The following LPP variants were observed in gnomAD, a reference collection of about 807,000 sequenced individuals.
LPP encodes the protein lipoma-preferred partner.
In LPP, 38 loss-of-function variants were observed where a neutral mutation model predicts 60.4. The ratio of observed to expected loss-of-function variants is 0.63; its 90% confidence interval spans 0.49 to 0.83. The LOEUF is 0.83. Ranked by LOEUF, LPP falls within the 40% of genes least tolerant of loss-of-function variation. The probability of loss-of-function intolerance (pLI) is 0.00; values close to 1 mark genes in which losing one functional copy is unlikely to be tolerated. For synonymous variants in LPP, 328 were observed against 290.8 expected (o/e 1.13, Z -1.30); for missense variants, 902 against 783.6 (o/e 1.15, Z -1.80).
chr3:188,498,950 T>A (rs191040878), intron 5 of LPP, among the ~76,000 whole-genome samples: 79 of 152,340 alleles, frequency 5.2e-4, no homozygotes, highest in Admixed American at 1.2e-3. Flanking sequence ...TATATATATA[T>A]CTTCTTTGGA....
chr3:188,666,605 T>C (rs548856319), intron 7 of LPP, among the ~76,000 whole-genome samples: 2 of 152,332 alleles, frequency 1.3e-5, no homozygotes, highest in East Asian at 1.9e-4. Context: ...TTTATAACAA[T>C]TATTTTTCAA....
chr3:188,357,084 C>A (rs1480969189), intron 3 of LPP, among the ~76,000 whole-genome samples: 4 of 152,122 alleles, frequency 2.6e-5, no homozygotes, highest in Non-Finnish European at 5.9e-5. Context: ...CTATGTATGT[C>A]CCCAGACATG....
chr3:188,770,892 C>T (rs1401857729), intron 9 of LPP, among the ~76,000 whole-genome samples: 1 of 152,134 alleles, frequency 6.6e-6, no homozygotes, highest in African/African-American at 2.4e-5. Context: ...ACAATAAGAG[C>T]AAACCAGTTT....
intron 9 of LPP, among the ~76,000 whole-genome samples, chr3:188,769,690 G>A (rs1735241598): frequency 6.6e-6 from 1 of 152,184 alleles, no homozygotes; most frequent in South Asian, 2.1e-4. Context: ...GGTGGGACTA[G>A]AAACCATGAG....
At chr3:188,242,350 G>T (rs1341790736) in intron 2 of LPP, among the ~76,000 whole-genome samples, 3 of 151,272 alleles carry the variant, frequency 2.0e-5, no homozygotes, top group Non-Finnish European at 4.4e-5. Context: ...TTGCATTCAG[G>T]TCTATATTGT....
At chr3:188,353,196 T>C (rs889833623) in intron 3 of LPP, among the ~76,000 whole-genome samples, 2 of 152,182 alleles carry the variant, frequency 1.3e-5, no homozygotes, top group Admixed American at 1.3e-4. Context: ...GGAGCAGAAA[T>C]TGTGACTTAA....
intron 2 of LPP, among the ~76,000 whole-genome samples, chr3:188,324,369 G>T (rs1056079564): frequency 6.6e-6 from 1 of 152,010 alleles, no homozygotes; most frequent in Non-Finnish European, 1.5e-5. Context: ...CTCCACTGTT[G>T]TTCCTGTCTC....
Position 188,609,867 on chromosome 3 carries a change from G to T in LPP, c.1113+23G>T. On this transcript the variant is annotated intron_variant, in intron 7 of 11. Coordinates refer to ENST00000617246, the MANE Select transcript of LPP (RefSeq NM_001375462.1). The surrounding 1 kb of genome is among the most constrained non-coding windows in gnomAD (Gnocchi z 6.9). ...AAGGTAAGAAACTCAGTAACATAAG[G>T]AGGAGAATACAGGGGTGCCTATCTT... 6.3e-7 allele frequency: 1 copy of T among 1,591,678 alleles called. No homozygotes were observed. Among genetic ancestry groups the T allele is most frequent in the Non-Finnish European group, 8.5e-7 (1 of 1,169,854 alleles).
intron 1 of LPP, among the ~76,000 whole-genome samples, chr3:188,211,463 A>C (rs375549452): frequency 6.6e-6 from 1 of 152,128 alleles, no homozygotes; most frequent in East Asian, 1.9e-4. Flanking sequence ...AAGATGTGGT[A>C]CTTGGATTCC....
chr3:188,731,526 G>GTT (rs1553817820), intron 8 of LPP, among the ~76,000 whole-genome samples: 1 of 151,278 alleles, frequency 6.6e-6, no homozygotes, highest in African/African-American at 2.4e-5. Context: ...TTTTTGTTTT[G>GTT]TTTTGTTTTG....
chr3:188,327,717 C>T (rs547381230), intron 2 of LPP, among the ~76,000 whole-genome samples: 14 of 152,114 alleles, frequency 9.2e-5, no homozygotes, highest in Middle Eastern at 3.4e-3. Context: ...CAGGTAGCAG[C>T]GTCTGAAAGT....
At chr3:188,216,497 C>T (rs1713682574) in intron 1 of LPP, among the ~76,000 whole-genome samples, 1 of 152,124 alleles carries the variant, frequency 6.6e-6, no homozygotes, top group African/African-American at 2.4e-5. Context: ...TTTTCAACTC[C>T]TGACCTCAGG....
chr3:188,168,349 A>T (rs1000677671), intron 1 of LPP, among the ~76,000 whole-genome samples: 1 of 152,236 alleles, frequency 6.6e-6, no homozygotes, highest in Admixed American at 6.5e-5. Context: ...TTTTGTGTCC[A>T]TAGCCTTTTA....
chr3:188,259,164 C>T (rs549788905), intron 2 of LPP, among the ~76,000 whole-genome samples: 2 of 152,272 alleles, frequency 1.3e-5, no homozygotes, highest in South Asian at 2.1e-4. Flanking sequence ...TTTGTAGTCT[C>T]TTTGATTTTT....
chr3:188,743,897 A>C (rs1211644975), intron 8 of LPP: 1 of 152,134 alleles, frequency 6.6e-6, no homozygotes, highest in African/African-American at 2.4e-5. Context: ...TCTGTTTGCC[A>C]TCTGGTCTGG....
At position 188,602,143 on chromosome 3, in the gene LPP, A is replaced by ATATATATATATAATATATATAT. The variant is rs1491436954; in HGVS notation, c.430-7008_430-7007insTAATATATATATTATATATATA. ...ACATATATATAGCATTCTTAATCTC[A>ATATATATATATAATATATATAT]TATATATATAATATATATATAATAT... On this transcript the variant is annotated intron_variant, in intron 6 of 11. Coordinates refer to ENST00000617246, the MANE Select transcript of LPP (RefSeq NM_001375462.1). Among the ~76,000 whole-genome samples the ATATATATATATAATATATATAT allele has an allele frequency of 3.2e-3, 409 of 128,358 alleles. 8 individuals are homozygous for ATATATATATATAATATATATAT. The highest frequency in any genetic ancestry group is 0.011 in the African/African-American group (386 of 35,940). The allele number at this position is 128,358 out of a possible 152,430, so 84.2% of individuals were successfully genotyped here.
At chr3:188,160,594 A>G (rs1717968404) in intron 1 of LPP, among the ~76,000 whole-genome samples, 1 of 152,228 alleles carries the variant, frequency 6.6e-6, no homozygotes, top group African/African-American at 2.4e-5. Context: ...TTCTAGGATC[A>G]ATATCAAAAT....
chr3:188,722,724 T>C (rs80207476), intron 8 of LPP, among the ~76,000 whole-genome samples: 4,916 of 152,368 alleles, frequency 0.032, 112 homozygotes, highest in Admixed American at 0.049. Context: ...GGTATTTCAC[T>C]TATTAAAAAG....
At chr3:188,674,516 A>G (rs1356095) in intron 7 of LPP, among the ~76,000 whole-genome samples, 138,916 of 152,210 alleles carry the variant, frequency 0.91, 64,153 homozygotes, top group Non-Finnish European at 0.98. Flanking sequence ...GGGAACCTCA[A>G]TTGGTTTTGT....
Sources: allele counts gnomAD v4.1 joint callset (sites outside exome capture counted in the v4.1 genomes callset), GRCh38; gene constraint gnomAD v4.1.1; non-coding constraint Gnocchi (gnomAD v3.1); transcripts MANE v1.5; gene names NCBI Gene and HGNC (gene_info 2026-07-23, HGNC 2026-07-21).